ARHGEF10L: variants seen among roughly 807,000 people sequenced by gnomAD.
The protein encoded by ARHGEF10L is rho guanine nucleotide exchange factor 10-like protein.
In ARHGEF10L, 69 loss-of-function variants were observed where a neutral mutation model predicts 141.2. That is an observed-to-expected ratio of 0.49 (90% CI 0.40 to 0.60). The LOEUF is 0.60. ARHGEF10L is among the 20% of genes least tolerant of loss of function. The pLI, the probability that ARHGEF10L is intolerant of heterozygous loss-of-function variation, is 0.00. For missense variants in ARHGEF10L, 1,482 were observed against 1,734.3 expected, an observed-to-expected ratio of 0.85 and a Z score of 2.58; for synonymous variants, 711 against 718.5, an observed-to-expected ratio of 0.99 and a Z score of 0.17.
chr1:17,651,280 G>A (rs913242818), intron 22 of ARHGEF10L, among the ~76,000 whole-genome samples: 3 of 152,310 alleles, frequency 2.0e-5, no homozygotes, highest in African/African-American at 7.2e-5. Context: ...CATTGGGGAT[G>A]TGTTGGGGTG....
At chr1:17,622,945 G>A (rs746028539) in intron 11 of ARHGEF10L, 51 bp from the exon 12 acceptor site, 1 of 1,567,972 alleles carries the variant, frequency 6.4e-7, no homozygotes, top group Non-Finnish European at 8.6e-7. Context: ...AGGGCAGGTA[G>A]GGAGAGAGGC....
chr1:17,522,403 T>C, the ARHGEF10L span, among the ~76,000 whole-genome samples: 1 of 152,162 alleles, frequency 6.6e-6, no homozygotes, highest in Admixed American at 6.5e-5. Flanking sequence ...AGTTGAGGAA[T>C]AGAGGCTCAG....
chr1:17,607,941 C>A lies in ARHGEF10L; in HGVS notation c.573C>A (p.Val191=). 6.7e-7 allele frequency: 1 copy of A among 1,503,396 alleles called. No homozygotes were observed. The highest frequency in any genetic ancestry group is 1.3e-5 in the South Asian group (1 of 76,822). The allele number at this position is 1,503,396 out of a possible 1,614,324, so 93.1% of individuals were successfully genotyped here. The change falls in exon 7 of 29, where the codon GTC becomes GTA. Residue 191 remains valine, a synonymous_variant. Transcript: ENST00000361221. The surrounding 1 kb of genome is among the most constrained non-coding windows in gnomAD (Gnocchi z 4.5). ...AGGAGGCCAAGCCGGAGGTCGAGGT[C>A]GAGCCCGCCAAGCACCGAGTGTCCT... ...SGEEAKPEVE[V]EPAKHRVSFQ...
intron 10 of ARHGEF10L, among the ~76,000 whole-genome samples, chr1:17,620,774 G>T (rs2060065932): frequency 6.6e-6 from 1 of 152,174 alleles, no homozygotes; most frequent in South Asian, 2.1e-4. Flanking sequence ...GAGAGGGATG[G>T]GCTCCCCTTC....
chr1:17,543,132 C>T (rs770334243), intron 1 of ARHGEF10L, among the ~76,000 whole-genome samples: 6 of 152,214 alleles, frequency 3.9e-5, no homozygotes, highest in Non-Finnish European at 8.8e-5. Flanking sequence ...TCATTCAGGA[C>T]CCTGGTCTGA....
At position 17,615,764 on chromosome 1, in the gene ARHGEF10L, G is replaced by T; in HGVS notation, c.727-330G>T. 4.4e-6 allele frequency: 1 copy of T among 228,080 alleles called. No homozygotes were observed. The allele number at this position is 228,080 out of a possible 1,614,324, so 14.1% of individuals were successfully genotyped here. Reference sequence around the variant, plus strand: ...ACGTGCCCAGAGTCATGCCATTGGCGGGTGGCCCAGGGCTCCAGGTCTCCA... The same window carrying T: ...ACGTGCCCAGAGTCATGCCATTGGCTGGTGGCCCAGGGCTCCAGGTCTCCA... On this transcript the variant is annotated intron_variant, in intron 8 of 28. Coordinates refer to ENST00000361221, the MANE Select transcript of ARHGEF10L (RefSeq NM_018125.4). The surrounding 1 kb of genome is among the most constrained non-coding windows in gnomAD (Gnocchi z 4.7).
At chr1:17,592,226 C>T (rs2079607250) in intron 4 of ARHGEF10L, among the ~76,000 whole-genome samples, 1 of 152,194 alleles carries the variant, frequency 6.6e-6, no homozygotes, top group Non-Finnish European at 1.5e-5. Flanking sequence ...AGTGCAATAG[C>T]CCCATGGACT....
intron 27 of ARHGEF10L, among the ~76,000 whole-genome samples, chr1:17,690,732 C>T (rs984241009): frequency 7.9e-5 from 12 of 152,214 alleles, no homozygotes; most frequent in Non-Finnish European, 1.8e-4. Context: ...AGACCAGTTC[C>T]TCCTGACCCC....
chr1:17,635,806 C>T (rs559359116), intron 18 of ARHGEF10L, among the ~76,000 whole-genome samples: 1 of 152,292 alleles, frequency 6.6e-6, no homozygotes, highest in South Asian at 2.1e-4. Context: ...TGAATGCATG[C>T]AGGATGCTAA....
At chr1:17,617,901 C>T (rs950643581) in intron 9 of ARHGEF10L, among the ~76,000 whole-genome samples, 25 of 152,142 alleles carry the variant, frequency 1.6e-4, no homozygotes, top group African/African-American at 5.6e-4. Context: ...CTGTTCAGAC[C>T]CTGGCTCTGC....
upstream of ARHGEF10L, among the ~76,000 whole-genome samples, chr1:17,538,693 TAAAA>T (rs35238374): frequency 1.5e-5 from 2 of 129,588 alleles, no homozygotes; most frequent in Non-Finnish European, 1.6e-5. Context: ...AGGGAGTAGT[TAAAA>T]AAAAAAAAAA....
intron 1 of ARHGEF10L, among the ~76,000 whole-genome samples, chr1:17,555,104 T>C (rs2077258123): frequency 6.6e-6 from 1 of 152,230 alleles, no homozygotes; most frequent in Admixed American, 6.5e-5. Context: ...ACGTTACTCC[T>C]CTTAGCCTCC....
intron 26 of ARHGEF10L, among the ~76,000 whole-genome samples, chr1:17,686,903 T>A (rs1481788379): frequency 6.6e-6 from 1 of 151,478 alleles, no homozygotes; most frequent in East Asian, 1.9e-4. Context: ...TCGTCCACAC[T>A]CCACATCTCA....
chr1:17,618,843 C>A (rs1013626525), intron 9 of ARHGEF10L, among the ~76,000 whole-genome samples: 2 of 152,228 alleles, frequency 1.3e-5, no homozygotes, highest in African/African-American at 4.8e-5. Flanking sequence ...TCCTGTTGAA[C>A]TTTTTCCCTT....
At chr1:17,514,390 A>C in the ARHGEF10L span, among the ~76,000 whole-genome samples, 150,246 of 152,192 alleles carry the variant, frequency 0.99, 74,203 homozygotes, top group African/African-American at 1. Flanking sequence ...CCCGCCTCAG[A>C]CTCCCAAAGT....
the ARHGEF10L span, among the ~76,000 whole-genome samples, chr1:17,519,661 C>T: frequency 6.6e-6 from 1 of 151,896 alleles, no homozygotes; most frequent in Non-Finnish European, 1.5e-5. Context: ...CCTGGTGAAA[C>T]CCCATCTCTG....
chr1:17,533,948 C>G, the ARHGEF10L span, among the ~76,000 whole-genome samples: 1 of 151,978 alleles, frequency 6.6e-6, no homozygotes, highest in East Asian at 1.9e-4. Context: ...TTCCCATCCA[C>G]CCACTTTCTT....
chr1:17,641,659 A>G (rs552279920), intron 21 of ARHGEF10L, among the ~76,000 whole-genome samples: 3 of 151,556 alleles, frequency 2.0e-5, no homozygotes, highest in South Asian at 4.2e-4. Context: ...ACAACAAAAC[A>G]AACAAAAAGA....
the ARHGEF10L span, among the ~76,000 whole-genome samples, chr1:17,514,702 T>C: frequency 6.6e-6 from 1 of 152,240 alleles, no homozygotes; most frequent in Non-Finnish European, 1.5e-5. Flanking sequence ...GCTATTTTCA[T>C]TTTGCCTTAC....
Sources: allele counts gnomAD v4.1 joint callset (sites outside exome capture counted in the v4.1 genomes callset), GRCh38; gene constraint gnomAD v4.1.1; non-coding constraint Gnocchi (gnomAD v3.1); transcripts MANE v1.5; gene names NCBI Gene and HGNC (gene_info 2026-07-23, HGNC 2026-07-21).